FAM135B: variants seen among roughly 807,000 people sequenced by gnomAD.
FAM135B encodes the protein protein FAM135B.
In FAM135B, 43 loss-of-function variants were observed where a neutral mutation model predicts 127.7. The observed-to-expected ratio is 0.34, with a 90% CI of 0.26 to 0.43. The LOEUF (loss-of-function observed/expected upper bound fraction) is 0.43. FAM135B is among the 20% of genes least tolerant of loss of function. The pLI is 1.00. For synonymous variants in FAM135B, 670 were observed against 665.1 expected (o/e 1.01, Z -0.11); for missense variants, 1,558 against 1,725.6 (o/e 0.90, Z 1.72).
intron 3 of FAM135B, among the ~76,000 whole-genome samples, chr8:138,282,642 T>C (rs2130749558): frequency 6.6e-6 from 1 of 152,174 alleles, no homozygotes; most frequent in East Asian, 1.9e-4. Context: ...GTTACACACC[T>C]ATTAGAGTGG....
intron 7 of FAM135B, among the ~76,000 whole-genome samples, chr8:138,239,163 C>T (rs1316271801): frequency 6.6e-6 from 1 of 152,150 alleles, no homozygotes; most frequent in Non-Finnish European, 1.5e-5. Flanking sequence ...AACTAAGTTT[C>T]CCAGTCCCAC....
At chr8:138,327,995 G>A (rs1587105553) in intron 2 of FAM135B, among the ~76,000 whole-genome samples, 1 of 152,196 alleles carries the variant, frequency 6.6e-6, no homozygotes, top group East Asian at 1.9e-4. Context: ...AGCAAAAATT[G>A]CTATCTTTGA....
At chr8:138,319,785 A>C (rs753896899) in intron 2 of FAM135B, among the ~76,000 whole-genome samples, 6 of 152,204 alleles carry the variant, frequency 3.9e-5, no homozygotes, top group Non-Finnish European at 8.8e-5. Context: ...TGTTGGGCAA[A>C]ACAGAATTAA....
At chr8:138,272,660 A>T (rs1338344718) in intron 3 of FAM135B, among the ~76,000 whole-genome samples, 1 of 152,250 alleles carries the variant, frequency 6.6e-6, no homozygotes, top group Non-Finnish European at 1.5e-5. Context: ...TTTATTATCT[A>T]ATAACATGTA....
chr8:138,439,266 T>C (rs1228052821), intron 1 of FAM135B: 3 of 152,204 alleles, frequency 2.0e-5, no homozygotes, highest in Admixed American at 6.5e-5. Context: ...TATCATTTCA[T>C]AATGGCCCTG....
In FAM135B at chr8:138,141,383, G is replaced by C. The variant is rs2130601026; in HGVS notation, c.3639-34C>G. 1 of 1,610,942 alleles carries C rather than the reference G, an allele frequency of 6.2e-7. No homozygotes were observed. Among genetic ancestry groups the C allele is most frequent in the Non-Finnish European group, 8.5e-7 (1 of 1,177,646 alleles). ...AAACAGAAGGGGTACCCATGAGTGT[G>C]ACGGTGAATGCTGCTGCCCAAGAGT... On this transcript the variant is annotated intron_variant, in intron 16 of 19. Transcript: ENST00000395297. The surrounding 1 kb of genome is among the most constrained non-coding windows in gnomAD (Gnocchi z 4.7).
intron 7 of FAM135B, among the ~76,000 whole-genome samples, chr8:138,238,101 C>A (rs1018559166): frequency 6.6e-6 from 1 of 152,134 alleles, no homozygotes; most frequent in African/African-American, 2.4e-5. Flanking sequence ...GGCCCAAGGT[C>A]ACACAGCAGG....
intron 2 of FAM135B, among the ~76,000 whole-genome samples, chr8:138,336,078 A>G (rs1468754680): frequency 6.6e-6 from 1 of 152,174 alleles, no homozygotes; most frequent in African/African-American, 2.4e-5. Flanking sequence ...GACACAACAT[A>G]CCAGAATCTC....
chr8:138,193,018 C>T (rs1486895375), intron 9 of FAM135B, among the ~76,000 whole-genome samples: 1 of 152,146 alleles, frequency 6.6e-6, no homozygotes. Context: ...TCCCTGGCTC[C>T]GACGTGCATA....
At position 138,487,742 on chromosome 8, in the gene FAM135B, C is replaced by T. The variant is rs567017724; in HGVS notation, c.-20+8929G>A. On this transcript the variant is annotated intron_variant, in intron 1 of 19. Coordinates refer to ENST00000395297, the MANE Select transcript of FAM135B (RefSeq NM_015912.4). ...GTCAGCCAGGCACAGGGGCTCATGT[C>T]CATAATCCCAGCACTTTGGGAGGCC... Among the ~76,000 whole-genome samples the T allele has an allele frequency of 4.6e-5, 7 of 152,226 alleles. No individual in the cohort carries two copies. In the South Asian group the frequency reaches 1.5e-3, roughly 32 times the overall value.
chr8:138,239,396 T>C (rs562827063), intron 7 of FAM135B, among the ~76,000 whole-genome samples: 2 of 152,228 alleles, frequency 1.3e-5, no homozygotes, highest in Non-Finnish European at 2.9e-5. Flanking sequence ...CACCCACTTG[T>C]TGATGGGGTT....
At chr8:138,175,588 C>A (rs950812232) in intron 11 of FAM135B, among the ~76,000 whole-genome samples, 5 of 152,206 alleles carry the variant, frequency 3.3e-5, no homozygotes, top group Non-Finnish European at 5.9e-5. Flanking sequence ...AGTGATAGCA[C>A]AGTGGTAGCT....
At chr8:138,456,744 C>T (rs1836801941) in intron 1 of FAM135B, among the ~76,000 whole-genome samples, 1 of 152,138 alleles carries the variant, frequency 6.6e-6, no homozygotes, top group Admixed American at 6.5e-5. Context: ...TTTAGAAGCA[C>T]ATTTTTCTCT....
At chr8:138,285,926 T>C (rs993445224) in intron 3 of FAM135B, among the ~76,000 whole-genome samples, 1 of 152,196 alleles carries the variant, frequency 6.6e-6, no homozygotes, top group African/African-American at 2.4e-5. Context: ...TATCTGTCCA[T>C]TGGCTCAAAA....
intron 1 of FAM135B, among the ~76,000 whole-genome samples, chr8:138,384,473 T>C (rs1188098294): frequency 2.6e-5 from 4 of 151,906 alleles, no homozygotes; most frequent in Non-Finnish European, 5.9e-5. Flanking sequence ...GAGGAAGAGG[T>C]GCAATGACCA....
At chr8:138,274,771 C>A (rs930697819) in intron 3 of FAM135B, among the ~76,000 whole-genome samples, 2 of 152,150 alleles carry the variant, frequency 1.3e-5, no homozygotes, top group African/African-American at 4.8e-5. Flanking sequence ...AGCAATATTT[C>A]TCCCATTTGC....
intron 1 of FAM135B, among the ~76,000 whole-genome samples, chr8:138,405,085 A>C (rs1833387064): frequency 6.6e-6 from 1 of 152,196 alleles, no homozygotes; most frequent in Non-Finnish European, 1.5e-5. Context: ...TTGAAAGTCA[A>C]AATTACCCCC....
At chr8:138,322,693 G>T (rs1414522911) in intron 2 of FAM135B, among the ~76,000 whole-genome samples, 2 of 152,110 alleles carry the variant, frequency 1.3e-5, no homozygotes, top group Non-Finnish European at 2.9e-5. Context: ...AACATAACCT[G>T]CCCTACCTCC....
intron 1 of FAM135B, among the ~76,000 whole-genome samples, chr8:138,463,772 G>A (rs1010342021): frequency 6.6e-6 from 1 of 152,176 alleles, no homozygotes; most frequent in Admixed American, 6.5e-5. Flanking sequence ...GGAAGTTTCA[G>A]AAGGAGGAGG....
Sources: gnomAD v4.1 joint callset for allele counts (sites outside exome capture counted in the v4.1 genomes callset) on GRCh38, gnomAD v4.1.1 for gene constraint, Gnocchi (gnomAD v3.1) non-coding constraint, MANE v1.5 for transcripts, NCBI Gene and HGNC (gene_info 2026-07-23, HGNC 2026-07-21) for gene names.